The following EML5 variants were observed in gnomAD, a reference collection of about 807,000 sequenced individuals.
EML5 encodes the protein echinoderm microtubule-associated protein-like 5.
In EML5, 120 loss-of-function variants were observed where a neutral mutation model predicts 250.0. The ratio of observed to expected loss-of-function variants is 0.48; its 90% confidence interval spans 0.41 to 0.56. The LOEUF is 0.56. EML5 is among the 20% of genes least tolerant of loss of function. The pLI is 0.00. For synonymous variants in EML5, 771 were observed against 806.5 expected, an observed-to-expected ratio of 0.96 and a Z score of 0.75; for missense variants, 2,006 against 2,437.6, an observed-to-expected ratio of 0.82 and a Z score of 3.73.
At chr14:88,710,801 G>A (rs755696030) in intron 10 of EML5, among the ~76,000 whole-genome samples, 2 of 152,164 alleles carry the variant, frequency 1.3e-5, no homozygotes, top group Admixed American at 6.5e-5. Context: ...CCTTGAAGGA[G>A]TGAATAATCT....
intron 2 of EML5, among the ~76,000 whole-genome samples, chr14:88,753,327 C>T (rs1182129573): frequency 2.0e-5 from 3 of 152,168 alleles, no homozygotes; most frequent in Admixed American, 6.5e-5. Flanking sequence ...TCTCATCTCA[C>T]TACCAGAAAA....
intron 1 of EML5, among the ~76,000 whole-genome samples, chr14:88,759,550 G>A (rs1369006465): frequency 1.3e-5 from 2 of 151,770 alleles, no homozygotes; most frequent in African/African-American, 4.8e-5. Flanking sequence ...CAGGTGTGAT[G>A]GTACATGCCC....
chr14:88,621,001 C>T, intron 38 of EML5, 75 bp from the exon 39 acceptor site: 2 of 1,470,234 alleles, frequency 1.4e-6, no homozygotes, highest in Non-Finnish European at 1.8e-6. Flanking sequence ...ACCAGTTTCC[C>T]CTCAAAATGC....
rs559716486 is a variant in EML5 at position 88,754,151 on chromosome 14, T to C, written c.357+361A>G. On this transcript the variant is annotated intron_variant, in intron 2 of 43. Coordinates refer to ENST00000554922, the MANE Select transcript of EML5 (RefSeq NM_183387.3). ...TAAAAATAAAAAAATAAAATTAAAA[T>C]AAAACATATACAGCTTTCTGAGAAA... Among the ~76,000 whole-genome samples, 23 of 152,134 alleles carry C rather than the reference T, an allele frequency of 1.5e-4. 1 individual carries two copies. The South Asian group carries it at 4.8e-3, about 32-fold the overall frequency.
intron 1 of EML5, among the ~76,000 whole-genome samples, chr14:88,760,585 A>C (rs2094225577): frequency 6.6e-6 from 1 of 152,134 alleles, no homozygotes; most frequent in Non-Finnish European, 1.5e-5. Context: ...TAAGCCTTAA[A>C]ATTGAATACT....
At chr14:88,694,652 C>T (rs753965182) in intron 16 of EML5, among the ~76,000 whole-genome samples, 2 of 152,190 alleles carry the variant, frequency 1.3e-5, no homozygotes, top group Non-Finnish European at 2.9e-5. Context: ...ATAATACCTA[C>T]TATAGTACTG....
At chr14:88,616,002 T>C (rs764380858) in intron 43 of EML5, 140 bp downstream of exon 43, 36 of 1,267,868 alleles carry the variant, frequency 2.8e-5, no homozygotes, top group Non-Finnish European at 3.6e-5. Flanking sequence ...AAATATGAGA[T>C]TCTGAAGAGC....
Position 88,733,326 on chromosome 14 carries a change from C to A in EML5, c.1049+3038G>T, listed in dbSNP as rs1384625395. On this transcript the variant is annotated intron_variant, in intron 7 of 43. Coordinates refer to ENST00000554922, the MANE Select transcript of EML5 (RefSeq NM_183387.3). ...CCTTCAGGGCAAAAAGCGGCTTTGG[C>A]ACAATGCCCCTAAATGCCCATTTTC... is the stretch of plus-strand genomic sequence containing the variant. Among the ~76,000 whole-genome samples the A allele has an allele frequency of 2.0e-5, 3 of 152,248 alleles. No homozygotes were observed. In the South Asian group the frequency reaches 6.2e-4, roughly 31 times the overall value.
chr14:88,693,719 A>G (rs935871273), intron 17 of EML5, among the ~76,000 whole-genome samples: 2 of 149,488 alleles, frequency 1.3e-5, no homozygotes, highest in African/African-American at 2.4e-5. Flanking sequence ...AGTGTTACAG[A>G]GTATTATTCT....
intron 3 of EML5, among the ~76,000 whole-genome samples, chr14:88,745,932 G>C (rs1595754357): frequency 6.6e-6 from 1 of 151,708 alleles, no homozygotes; most frequent in East Asian, 1.9e-4. Context: ...GAACTTAAAA[G>C]TATAATAAAA....
chr14:88,621,834 G>A lies in EML5; in HGVS notation c.5014-533C>T, dbSNP rs544734179. The A allele has an allele frequency of 2.4e-4, 110 of 455,440 alleles. 2 individuals are homozygous for A. Among genetic ancestry groups the A allele is most frequent in the South Asian group, 1.7e-3 (107 of 64,268 alleles). 28.2% of individuals were successfully genotyped at this position (455,440 alleles called of 1,614,324 possible). A position where few individuals can be genotyped will look rare whatever the true frequency, so the allele number is the denominator to read the frequency against. On this transcript the variant is annotated intron_variant, in intron 37 of 43. Transcript: ENST00000554922. ...ATATCTATAGGGCATAGGGTAATACGCATAACCATCACCTCAGACATTTAT... is the reference window on the plus strand; with the variant it reads ...ATATCTATAGGGCATAGGGTAATACACATAACCATCACCTCAGACATTTAT...
rs1297022273 is a variant in EML5 at position 88,730,801 on chromosome 14, A to C, written c.1050-4123T>G. 2.0e-5 allele frequency among the ~76,000 whole-genome samples: 3 copies of C among 152,376 alleles called. No homozygotes were observed. In the East Asian group the frequency reaches 5.8e-4, roughly 29 times the overall value. Reference sequence around the variant, plus strand: ...AAATTGGAATCTGCTAAGATGAATTATAACTAACTGATGGTGGGAAAAAAG... The same window carrying C: ...AAATTGGAATCTGCTAAGATGAATTCTAACTAACTGATGGTGGGAAAAAAG... On this transcript the variant is annotated intron_variant, in intron 7 of 43. Coordinates refer to ENST00000554922, the MANE Select transcript of EML5 (RefSeq NM_183387.3).
intron 13 of EML5, among the ~76,000 whole-genome samples, chr14:88,704,050 T>C (rs1195766747): frequency 1.3e-5 from 2 of 152,326 alleles, no homozygotes; most frequent in Admixed American, 6.5e-5. Flanking sequence ...GTACTTGATA[T>C]GATTCGGATA....
At position 88,688,350 on chromosome 14, in the gene EML5, C is replaced by A. The variant is rs1289254852; in HGVS notation, c.2663G>T (p.Cys888Phe). 2 of 1,613,900 alleles carry A rather than the reference C, an allele frequency of 1.2e-6. No homozygotes were observed. Among genetic ancestry groups the A allele is most frequent in the Non-Finnish European group, 1.7e-6 (2 of 1,179,904 alleles). The change falls in exon 18 of 44, where the codon TGT becomes TTT. Residue 888 changes from cysteine to phenylalanine, a missense_variant. Cys to Phe is a radical substitution (Grantham distance 205). Transcript: ENST00000554922. ...TACAAGAAAGATGTCTCTCCAGATACACACATCTCCTGTGGATGTTCCAGA... is the reference window on the plus strand; with the variant it reads ...TACAAGAAAGATGTCTCTCCAGATAAACACATCTCCTGTGGATGTTCCAGA... ...AFSGTSTGDVCIWRDIFLVKT... is the reference protein window; with the variant it reads ...AFSGTSTGDVFIWRDIFLVKT...
Position 88,792,561 on chromosome 14 carries a change from G to A in EML5, c.-58C>T. 8.2e-7 allele frequency: 1 copy of A among 1,216,524 alleles called. No homozygotes were observed. The highest frequency in any genetic ancestry group is 1.0e-6 in the Non-Finnish European group (1 of 973,364). The allele number at this position is 1,216,524 out of a possible 1,614,324, so 75.4% of individuals were successfully genotyped here. ...CCCGCGGCGGCGACGGGAGGCGGCG[G>A]CGGCCCGGCAACGAAAGCCCTCCCG... is the stretch of plus-strand genomic sequence containing the variant. On this transcript the variant is annotated 5_prime_UTR_variant, in exon 1 of 44. Transcript: ENST00000554922. The surrounding 1 kb of genome is among the most constrained non-coding windows in gnomAD (Gnocchi z 6.9).
intron 13 of EML5, among the ~76,000 whole-genome samples, chr14:88,703,396 C>T (rs1490971404): frequency 6.6e-6 from 1 of 152,014 alleles, no homozygotes; most frequent in Non-Finnish European, 1.5e-5. Flanking sequence ...CATTGTTGGA[C>T]CATGAGAATA....
chr14:88,736,686 C>T (rs191146625), intron 6 of EML5, 121 bp from the exon 7 acceptor site: 2 of 894,162 alleles, frequency 2.2e-6, no homozygotes, highest in Admixed American at 2.6e-5. Flanking sequence ...AAACCTAAGA[C>T]AGTTTAAAGC....
intron 1 of EML5, among the ~76,000 whole-genome samples, chr14:88,761,791 G>A (rs545451291): frequency 2.6e-5 from 4 of 152,278 alleles, no homozygotes; most frequent in South Asian, 2.1e-4. Context: ...CACAATGGTT[G>A]AACGAATTTA....
intron 19 of EML5, among the ~76,000 whole-genome samples, chr14:88,686,309 G>A (rs61986661): frequency 1.3e-5 from 2 of 152,032 alleles, no homozygotes; most frequent in Admixed American, 6.6e-5. Context: ...ACTCAAAGAC[G>A]AGTTAACGGG....
Sources: allele counts gnomAD v4.1 joint callset (sites outside exome capture counted in the v4.1 genomes callset), GRCh38; gene constraint gnomAD v4.1.1; non-coding constraint Gnocchi (gnomAD v3.1); transcripts MANE v1.5; gene names NCBI Gene and HGNC (gene_info 2026-07-23, HGNC 2026-07-21).